SVIP: variants seen among roughly 807,000 people sequenced by gnomAD.
SVIP encodes the protein small VCP interacting protein.
In SVIP, 14 loss-of-function variants were observed where a neutral mutation model predicts 12.9. The ratio of observed to expected loss-of-function variants is 1.08; its 90% CI spans 0.72 to 1.70. The LOEUF (loss-of-function observed/expected upper bound fraction) is 1.70, where lower values mean the gene tolerates loss of function less well. Ranked by LOEUF, SVIP falls within the 40% of genes most tolerant of loss-of-function variation. SVIP has a pLI of 0.00. For missense variants in SVIP, 93 were observed against 90.8 expected (o/e 1.02, Z -0.10); for synonymous variants, 35 against 33.3 (o/e 1.05, Z -0.17).
chr11:22,826,781 C>G (rs1224391258), intron 3 of SVIP, among the ~76,000 whole-genome samples: 2 of 151,938 alleles, frequency 1.3e-5, no homozygotes, highest in Non-Finnish European at 2.9e-5. Context: ...CAAATCAATG[C>G]GTAAAAGAGC....
intron 2 of SVIP, 82 bp downstream of exon 2, chr11:22,827,742 G>GA: frequency 8.7e-7 from 1 of 1,154,730 alleles, no homozygotes; most frequent in East Asian, 2.6e-5. Context: ...ATTTGCGTTA[G>GA]AAAATCTAGC....
intron 3 of SVIP, among the ~76,000 whole-genome samples, chr11:22,826,660 T>C (rs892830592): frequency 6.6e-6 from 1 of 152,118 alleles, no homozygotes; most frequent in East Asian, 1.9e-4. Context: ...AGCTCTGGGA[T>C]CCATATCTAG....
chr11:22,826,696 C>G (rs1333326391), intron 3 of SVIP, among the ~76,000 whole-genome samples: 1 of 152,084 alleles, frequency 6.6e-6, no homozygotes, highest in Non-Finnish European at 1.5e-5. Flanking sequence ...ATACCCACAC[C>G]TGTATACATT....
chr11:22,824,736 A>C (rs914152784), intron 3 of SVIP, among the ~76,000 whole-genome samples: 1 of 152,080 alleles, frequency 6.6e-6, no homozygotes, highest in African/African-American at 2.4e-5. Context: ...AAGTGTTATA[A>C]ACGCTAGGAT....
rs368709146 is a variant in SVIP at position 22,826,354 on chromosome 11, A to ATG, written c.219+851_219+852dup. Among the ~76,000 whole-genome samples, 440 of 145,344 alleles carry ATG rather than the reference A, an allele frequency of 3.0e-3. 1 individual carries two copies. The highest frequency in any genetic ancestry group is 0.017 in the South Asian group (76 of 4,442). ...TATATGTCCATGTATATGTATGTGC[A>ATG]TGTGTGTGTGTGTGTAGTTTTGAGA... On this transcript the variant is annotated intron_variant, in intron 3 of 3. Transcript: ENST00000354193.
At position 22,819,044 on chromosome 11, in the gene SVIP, A is replaced by C. The variant is rs1857402892; in HGVS notation, c.*4075T>G. ...TTTAAATTTTCCCACTTTCAATTAC[A>C]GATTTTTCATTGCTTGCATATAAAC... is the stretch of plus-strand genomic sequence containing the variant. On this transcript the variant is annotated 3_prime_UTR_variant, in exon 4 of 4. Transcript: ENST00000354193. The C allele has an allele frequency of 6.6e-6, 1 of 152,240 alleles. No homozygotes were observed. The highest frequency in any genetic ancestry group is 1.5e-5 in the Non-Finnish European group (1 of 68,040). The allele number at this position is 152,240 out of a possible 1,614,324, so 9.4% of individuals were successfully genotyped here.
Position 22,819,193 on chromosome 11 carries a change from A to C in SVIP, c.*3926T>G, listed in dbSNP as rs1774477650. On this transcript the variant is annotated 3_prime_UTR_variant, in exon 4 of 4. Coordinates refer to ENST00000354193, the MANE Select transcript of SVIP (RefSeq NM_148893.3). ...AGACACTTGGTATTAACCTACTTTAAATATATCTGTTACATTTATAATGTA... is the reference window on the plus strand; with the variant it reads ...AGACACTTGGTATTAACCTACTTTACATATATCTGTTACATTTATAATGTA... 1.3e-5 allele frequency: 2 copies of C among 152,276 alleles called. No homozygotes were observed. The highest frequency in any genetic ancestry group is 4.8e-5 in the African/African-American group (2 of 41,564). The allele number at this position is 152,276 out of a possible 1,614,324, so 9.4% of individuals were successfully genotyped here.
chr11:22,826,774 A>G (rs1327697388), intron 3 of SVIP, among the ~76,000 whole-genome samples: 1 of 152,178 alleles, frequency 6.6e-6, no homozygotes, highest in Non-Finnish European at 1.5e-5. Flanking sequence ...AAGATTCCAA[A>G]TCAATGCGTA....
At chr11:22,824,136 A>C (rs772774635) in intron 3 of SVIP, among the ~76,000 whole-genome samples, 1 of 152,184 alleles carries the variant, frequency 6.6e-6, no homozygotes, top group Non-Finnish European at 1.5e-5. Flanking sequence ...GCAAGAGCCT[A>C]AATATCCAAT....
intron 1 of SVIP, among the ~76,000 whole-genome samples, chr11:22,828,585 T>G (rs1048898119): frequency 6.6e-6 from 1 of 152,144 alleles, no homozygotes; most frequent in African/African-American, 2.4e-5. Context: ...CAGCAAAAGC[T>G]TCACTGGTAA....
In SVIP at chr11:22,829,733, G is replaced by A. The variant is rs533641938; in HGVS notation, c.16C>T (p.Pro6Ser). The change falls in exon 1 of 4, where the codon CCT becomes TCT. Residue 6 changes from proline (P) to serine (S), a missense_variant. Coordinates refer to ENST00000354193, the MANE Select transcript of SVIP (RefSeq NM_148893.3). MGLCF[P>S]CPGESAPPTP... Reference sequence around the variant, plus strand: ...GGAGGCGCGGACTCCCCGGGACAAGGAAAACACAGCCCCATAGGGACGACA... The same window carrying A: ...GGAGGCGCGGACTCCCCGGGACAAGAAAAACACAGCCCCATAGGGACGACA... 3.1e-6 allele frequency: 5 copies of A among 1,607,820 alleles called. No individual in the cohort carries two copies. In the African/African-American group the frequency reaches 4.0e-5, roughly 13 times the overall value.
At chr11:22,827,561 A>G (rs936203602) in intron 2 of SVIP, among the ~76,000 whole-genome samples, 3 of 152,154 alleles carry the variant, frequency 2.0e-5, no homozygotes, top group African/African-American at 7.2e-5. Context: ...AGTATTTTAC[A>G]ATGCACAGCC....
rs1403041569 is a variant in SVIP at position 22,820,540 on chromosome 11, A to G, written c.*2579T>C. On this transcript the variant is annotated 3_prime_UTR_variant, in exon 4 of 4. Transcript: ENST00000354193. ...GTTCCTGAGGTTTCCCTAACCACCA[A>G]CTCAGGTTCTAAGTATTTAGGATGT... 6.6e-6 allele frequency: 1 copy of G among 152,170 alleles called. No individual in the cohort carries two copies. The allele number at this position is 152,170 out of a possible 1,614,324, so 9.4% of individuals were successfully genotyped here. A position where few individuals can be genotyped will look rare whatever the true frequency, so the allele number is the denominator to read the frequency against.
intron 3 of SVIP, among the ~76,000 whole-genome samples, chr11:22,823,752 C>T (rs1048493720): frequency 1.3e-5 from 2 of 152,320 alleles, no homozygotes; most frequent in Middle Eastern, 3.4e-3. Flanking sequence ...TTTCTTGAGA[C>T]AGGGTCTCAC....
In SVIP at chr11:22,823,001, A is replaced by G. The variant is rs1857537595; in HGVS notation, c.*118T>C. ...TTTTAGCATTGCACTTAAGGGCAAT[A>G]ATATTACAAAGTCTGAATCTTCATT... On this transcript the variant is annotated 3_prime_UTR_variant, in exon 4 of 4. Transcript: ENST00000354193. 5 of 868,336 alleles carry G rather than the reference A, an allele frequency of 5.8e-6. No individual in the cohort carries two copies. In the Admixed American group the frequency reaches 1.3e-4, roughly 23 times the overall value. 53.8% of individuals were successfully genotyped at this position (868,336 alleles called of 1,614,324 possible).
chr11:22,829,540 A>G lies in SVIP; in HGVS notation c.54+155T>C, dbSNP rs536970067. 8 of 690,316 alleles carry G rather than the reference A, an allele frequency of 1.2e-5. No individual in the cohort carries two copies. The Admixed American group carries it at 1.5e-4, about 13-fold the overall frequency. The allele number at this position is 690,316 out of a possible 1,614,324, so 42.8% of individuals were successfully genotyped here. A position where few individuals can be genotyped will look rare whatever the true frequency, so the allele number is the denominator to read the frequency against. ...GCCTAGGTCGCTCTGACAGGACCCA[A>G]CGACCCTCCTGACGCGTCCACCCGT... is the stretch of plus-strand genomic sequence containing the variant. On this transcript the variant is annotated intron_variant, in intron 1 of 3. Coordinates refer to ENST00000354193, the MANE Select transcript of SVIP (RefSeq NM_148893.3).
intron 3 of SVIP, among the ~76,000 whole-genome samples, chr11:22,826,910 C>T (rs1020349859): frequency 6.6e-6 from 1 of 152,046 alleles, no homozygotes; most frequent in African/African-American, 2.4e-5. Flanking sequence ...CTTCTTTATA[C>T]TTCTCCATAT....
At chr11:22,829,563 C>T (rs1857873235) in intron 1 of SVIP, 132 bp downstream of exon 1, 2 of 898,564 alleles carry the variant, frequency 2.2e-6, no homozygotes, top group Non-Finnish European at 3.4e-6. Flanking sequence ...CGCGTCCACC[C>T]GTCCTCGCTA....
chr11:22,827,235 G>T lies in SVIP; in HGVS notation c.191C>A (p.Ser64Tyr). The change falls in exon 3 of 4, where the codon TCC (serine) becomes TAC (tyrosine). Residue 64 changes from serine to tyrosine, a missense_variant. By Grantham distance (144) the Ser-to-Tyr change is moderately radical. Coordinates refer to ENST00000354193, the MANE Select transcript of SVIP (RefSeq NM_148893.3). The stretch of plus-strand genomic sequence containing the variant: ...AAGTCCACCTTCTGGTGGGGGCCCG[G>T]ATGTAGCAATTTGTTTTTCTATTTT... ...KEKIEKQIAT[S>Y]GPPPEGGLRW... 1 of 1,609,886 alleles carries T rather than the reference G, an allele frequency of 6.2e-7. No homozygotes were observed. Among genetic ancestry groups the T allele is most frequent in the Non-Finnish European group, 8.5e-7 (1 of 1,178,376 alleles).
Sources: gnomAD v4.1 joint callset for allele counts (sites outside exome capture counted in the v4.1 genomes callset) on GRCh38, gnomAD v4.1.1 for gene constraint, MANE v1.5 for transcripts, NCBI Gene and HGNC (gene_info 2026-07-23, HGNC 2026-07-21) for gene names.